Variants in ERC2 observed in about 807,000 individuals in gnomAD.
ERC2 encodes the protein ERC protein 2.
In ERC2, 42 loss-of-function variants were observed where a neutral mutation model predicts 114.8. That is an observed-to-expected ratio of 0.37 (90% confidence interval 0.29 to 0.47). ERC2 has a LOEUF of 0.47. Ranked by LOEUF, ERC2 falls within the 20% of genes least tolerant of loss-of-function variation. The pLI, the probability that ERC2 is intolerant of heterozygous loss-of-function variation, is 0.99. For synonymous variants in ERC2, 454 were observed against 425.5 expected (o/e 1.07, Z -0.82); for missense variants, 939 against 1,150.7 (o/e 0.82, Z 2.66).
chr3:55,595,927 T>C (rs1282152767), intron 17 of ERC2, among the ~76,000 whole-genome samples: 1 of 152,198 alleles, frequency 6.6e-6, no homozygotes, highest in Admixed American at 6.5e-5. Flanking sequence ...GTGACCATGC[T>C]CTGCACTTTC....
intron 14 of ERC2, among the ~76,000 whole-genome samples, chr3:55,861,783 C>G (rs1042384188): frequency 1.1e-4 from 17 of 152,214 alleles, no homozygotes; most frequent in Admixed American, 2.0e-4. Context: ...AGCCCTCCCC[C>G]ACATTAGCTG....
intron 17 of ERC2, among the ~76,000 whole-genome samples, chr3:55,566,106 A>C (rs187228878): frequency 6.6e-6 from 1 of 152,308 alleles, no homozygotes; most frequent in African/African-American, 2.4e-5. Flanking sequence ...CCATTCATTG[A>C]ACTTCCTATG....
rs141197362 is a variant in ERC2 at position 56,060,227 on chromosome 3, C to T, written c.1641+20590G>A. On this transcript the variant is annotated intron_variant, in intron 7 of 17. Coordinates refer to ENST00000288221, the MANE Select transcript of ERC2 (RefSeq NM_015576.3). ...TGACAAACAAACATAGTCTTTCTCC[C>T]ATGGGCACATGAAGATTTCTATATC... Among the ~76,000 whole-genome samples the T allele has an allele frequency of 4.7e-3, 718 of 152,290 alleles. 6 individuals are homozygous for T. The highest frequency in any genetic ancestry group is 0.016 in the African/African-American group (678 of 41,564).
chr3:56,443,213 C>A (rs1383714246), intron 1 of ERC2, among the ~76,000 whole-genome samples: 1 of 152,206 alleles, frequency 6.6e-6, no homozygotes, highest in Non-Finnish European at 1.5e-5. Context: ...TTGTTGCTTA[C>A]AACACCAAGA....
chr3:56,337,928 C>G (rs951744105), intron 2 of ERC2, among the ~76,000 whole-genome samples: 2 of 152,110 alleles, frequency 1.3e-5, no homozygotes, highest in South Asian at 4.1e-4. Flanking sequence ...CCACATGGTG[C>G]AAAAAATTAA....
In ERC2 at chr3:55,881,756, G is replaced by T. The variant is rs538496413; in HGVS notation, c.2564+6633C>A. 3.3e-4 allele frequency among the ~76,000 whole-genome samples: 50 copies of T among 152,224 alleles called. 1 individual carries two copies. In the South Asian group the frequency reaches 9.6e-3, roughly 29 times the overall value. The stretch of plus-strand genomic sequence containing the variant: ...GCATTAATAAAATCAAACATAAAAT[G>T]ATGTTCTTAATATGCTTTTAATAAA... On this transcript the variant is annotated intron_variant, in intron 14 of 17. Transcript: ENST00000288221.
chr3:55,720,748 C>T (rs1193522521), intron 15 of ERC2, among the ~76,000 whole-genome samples: 1 of 152,100 alleles, frequency 6.6e-6, no homozygotes, highest in East Asian at 1.9e-4. Flanking sequence ...CATGTAGATC[C>T]TAGTTTATGT....
intron 2 of ERC2, among the ~76,000 whole-genome samples, chr3:56,390,656 T>C (rs904745089): frequency 3.3e-5 from 5 of 152,190 alleles, no homozygotes; most frequent in African/African-American, 7.2e-5. Context: ...CAGAAAATAA[T>C]TGAGGTGCAT....
intron 10 of ERC2, among the ~76,000 whole-genome samples, chr3:56,006,455 A>G (rs2072500667): frequency 6.6e-6 from 1 of 151,984 alleles, no homozygotes; most frequent in Admixed American, 6.6e-5. Flanking sequence ...TGTCAAAGGG[A>G]AACAAAATGC....
intron 17 of ERC2, among the ~76,000 whole-genome samples, chr3:55,549,687 G>A (rs1049403891): frequency 6.6e-6 from 1 of 151,704 alleles, no homozygotes; most frequent in African/African-American, 2.4e-5. Flanking sequence ...GAAGCCCTGT[G>A]GCCTAGACTG....
At chr3:55,570,853 C>T (rs1445960491) in intron 17 of ERC2, among the ~76,000 whole-genome samples, 1 of 152,100 alleles carries the variant, frequency 6.6e-6, no homozygotes, top group Non-Finnish European at 1.5e-5. Flanking sequence ...GTGGGCCGGG[C>T]GCAGTGGCTC....
chr3:56,379,927 G>A (rs1000431282), intron 2 of ERC2, among the ~76,000 whole-genome samples: 1 of 152,124 alleles, frequency 6.6e-6, no homozygotes, highest in Non-Finnish European at 1.5e-5. Context: ...TCTGGGTCAC[G>A]CATTGTTCTA....
At chr3:55,552,946 C>G (rs1047161631) in intron 17 of ERC2, among the ~76,000 whole-genome samples, 12 of 147,880 alleles carry the variant, frequency 8.1e-5, no homozygotes, top group African/African-American at 2.7e-4. Context: ...TTCTACCTTA[C>G]TCTCATTTTG....
At chr3:55,755,202 G>A (rs1482936867) in intron 14 of ERC2, among the ~76,000 whole-genome samples, 1 of 151,854 alleles carries the variant, frequency 6.6e-6, no homozygotes, top group Non-Finnish European at 1.5e-5. Context: ...TGGTTTGTCT[G>A]TAAATATGGA....
intron 10 of ERC2, among the ~76,000 whole-genome samples, chr3:56,006,504 G>A (rs1032910801): frequency 6.6e-6 from 1 of 151,928 alleles, no homozygotes; most frequent in South Asian, 2.1e-4. Flanking sequence ...TGAACAATGA[G>A]TGCAGACATA....
chr3:56,215,241 G>A (rs915104870), intron 3 of ERC2, among the ~76,000 whole-genome samples: 1 of 152,116 alleles, frequency 6.6e-6, no homozygotes, highest in Non-Finnish European at 1.5e-5. Context: ...CTGTATTCAG[G>A]AAACCCATCT....
chr3:55,572,285 G>C (rs752876902), intron 17 of ERC2, among the ~76,000 whole-genome samples: 5 of 152,206 alleles, frequency 3.3e-5, no homozygotes, highest in African/African-American at 4.8e-5. Flanking sequence ...TCGGTCCCTG[G>C]GCCAGCAGCT....
intron 3 of ERC2, among the ~76,000 whole-genome samples, chr3:56,282,814 A>G (rs1450768218): frequency 6.6e-6 from 1 of 152,204 alleles, no homozygotes; most frequent in Non-Finnish European, 1.5e-5. Context: ...CAGATTCCTC[A>G]GGAGGCATCT....
At chr3:56,065,824 T>A (rs904572580) in intron 7 of ERC2, among the ~76,000 whole-genome samples, 1 of 152,114 alleles carries the variant, frequency 6.6e-6, no homozygotes, top group African/African-American at 2.4e-5. Flanking sequence ...CTGTGTTAGT[T>A]TGCTGAGGAT....
Sources: gnomAD v4.1 joint callset for allele counts (sites outside exome capture counted in the v4.1 genomes callset) on GRCh38, gnomAD v4.1.1 for gene constraint, MANE v1.5 for transcripts, NCBI Gene and HGNC (gene_info 2026-07-23, HGNC 2026-07-21) for gene names.